CMSS1: variants seen among roughly 807,000 people sequenced by gnomAD.
CMSS1 encodes cms1 ribosomal small subunit homolog, also known as protein CMSS1.
CMSS1 carries 33 observed loss-of-function variants against 43.5 expected under a neutral mutation model. The ratio of observed to expected loss-of-function variants is 0.76; its 90% CI spans 0.57 to 1.01. The LOEUF is 1.01. Among genes scored for constraint, CMSS1 ranks in the 50% least tolerant of loss-of-function variants. The probability of loss-of-function intolerance (pLI) is 0.00; values close to 1 mark genes in which losing one functional copy is unlikely to be tolerated. For missense variants in CMSS1, 313 were observed against 326.4 expected, an observed-to-expected ratio of 0.96 and a Z score of 0.32; for synonymous variants, 115 against 117.2, an observed-to-expected ratio of 0.98 and a Z score of 0.12.
intron 1 of CMSS1, among the ~76,000 whole-genome samples, chr3:100,014,768 G>T (rs1379420271): frequency 4.5e-4 from 59 of 130,846 alleles, no homozygotes; most frequent in Non-Finnish European, 8.7e-4. Context: ...GTTCACAAAT[G>T]TTTTCTCTCA....
At chr3:99,873,533 T>C (rs914931249) in intron 1 of CMSS1, among the ~76,000 whole-genome samples, 4 of 152,196 alleles carry the variant, frequency 2.6e-5, no homozygotes, top group African/African-American at 9.7e-5. Context: ...CCTTGTAAAA[T>C]GTTCACTTTG....
rs2066433779 is a variant in CMSS1 at position 100,108,643 on chromosome 3, G to C, written c.65-38330G>C. On this transcript the variant is annotated intron_variant, in intron 1 of 9. Coordinates refer to ENST00000421999, the MANE Select transcript of CMSS1 (RefSeq NM_032359.4). Reference sequence around the variant, plus strand: ...GTGGTTGGGCATTGCCCTGTATCTAGATGCTACTGTGTTACAATTCCGAGA... The same window carrying C: ...GTGGTTGGGCATTGCCCTGTATCTACATGCTACTGTGTTACAATTCCGAGA... 2.6e-5 allele frequency among the ~76,000 whole-genome samples: 4 copies of C among 151,834 alleles called. No homozygotes were observed. The South Asian group carries it at 8.3e-4, about 32-fold the overall frequency.
intron 1 of CMSS1, among the ~76,000 whole-genome samples, chr3:99,981,905 C>T (rs542157996): frequency 3.2e-4 from 48 of 152,232 alleles, no homozygotes; most frequent in African/African-American, 1.1e-3. Context: ...GCGGGAGGAT[C>T]GCTTGAGGCC....
At chr3:99,867,279 T>C (rs984386447) in intron 1 of CMSS1, among the ~76,000 whole-genome samples, 2 of 152,172 alleles carry the variant, frequency 1.3e-5, no homozygotes, top group African/African-American at 2.4e-5. Context: ...AATGTTCTGT[T>C]TGTGGCAGTT....
At chr3:99,934,145 C>T (rs1336876999) in intron 1 of CMSS1, among the ~76,000 whole-genome samples, 2 of 152,292 alleles carry the variant, frequency 1.3e-5, no homozygotes, top group East Asian at 3.9e-4. Flanking sequence ...ATTCCAAGAA[C>T]GTGAGAGTTG....
intron 1 of CMSS1, among the ~76,000 whole-genome samples, chr3:99,825,775 CTTTTTTTTTTTTT>C (rs897686337): frequency 8.2e-6 from 1 of 121,612 alleles, no homozygotes. Flanking sequence ...TTTTCTTTTT[CTTTTTTTTTTTTT>C]TTTTTTGAGA....
chr3:99,921,834 C>G (rs1221350163), intron 1 of CMSS1, among the ~76,000 whole-genome samples: 1 of 152,136 alleles, frequency 6.6e-6, no homozygotes, highest in African/African-American at 2.4e-5. Context: ...ATTTTTCCCA[C>G]AATTTTTCTT....
chr3:99,876,309 C>G (rs554567208), intron 1 of CMSS1: 4 of 587,484 alleles, frequency 6.8e-6, no homozygotes, highest in Non-Finnish European at 8.6e-6. Flanking sequence ...GGCGCAGCCA[C>G]ACACCCCAGC....
intron 1 of CMSS1, among the ~76,000 whole-genome samples, chr3:99,956,567 G>A (rs958184921): frequency 4.6e-5 from 7 of 152,124 alleles, no homozygotes; most frequent in Non-Finnish European, 7.4e-5. Flanking sequence ...GGCTAGTCTC[G>A]AATTCCTGAC....
intron 1 of CMSS1, chr3:100,114,153 T>G (rs1381053113): frequency 6.6e-6 from 1 of 152,106 alleles, no homozygotes; most frequent in African/African-American, 2.4e-5. Flanking sequence ...CAACGTTTTC[T>G]TCTTCTCTTT....
intron 1 of CMSS1, among the ~76,000 whole-genome samples, chr3:99,938,074 T>TGTGTGC (rs1431638787): frequency 1.5e-4 from 13 of 85,210 alleles, no homozygotes; most frequent in Non-Finnish European, 2.3e-4. Flanking sequence ...TGTGTGTGTG[T>TGTGTGC]GCGCGCGCGC....
At chr3:99,830,358 T>A (rs1220560710) in intron 1 of CMSS1, 6 of 364,994 alleles carry the variant, frequency 1.6e-5, no homozygotes, top group Non-Finnish European at 3.3e-5. Context: ...AGTGGTAATT[T>A]TAGCTTTCCA....
At chr3:99,904,115 G>A (rs1461141807) in intron 1 of CMSS1, among the ~76,000 whole-genome samples, 1 of 152,134 alleles carries the variant, frequency 6.6e-6, no homozygotes, top group South Asian at 2.1e-4. Context: ...TTTCAGACAA[G>A]CACTTTACAT....
chr3:99,830,612 T>A, intron 1 of CMSS1: 1 of 456,494 alleles, frequency 2.2e-6, no homozygotes. Context: ...TGATCTTGAA[T>A]TAAACAAGAG....
chr3:100,135,485 T>TGTGC (rs1553717026), intron 1 of CMSS1, among the ~76,000 whole-genome samples: 12 of 143,780 alleles, frequency 8.3e-5, no homozygotes, highest in African/African-American at 2.9e-4. Context: ...TGTGTGTGTG[T>TGTGC]GTGTGTTTAA....
chr3:99,962,284 G>A (rs1344854108), intron 1 of CMSS1, among the ~76,000 whole-genome samples: 1 of 152,118 alleles, frequency 6.6e-6, no homozygotes, highest in Non-Finnish European at 1.5e-5. Context: ...GGCTAACAGT[G>A]GGAAGATGAG....
chr3:99,903,034 G>A (rs573011741), intron 1 of CMSS1, among the ~76,000 whole-genome samples: 1 of 152,240 alleles, frequency 6.6e-6, no homozygotes, highest in African/African-American at 2.4e-5. Flanking sequence ...AAACTTCTGG[G>A]TTTAATTCCT....
At chr3:100,071,451 G>GAT in intron 1 of CMSS1, among the ~76,000 whole-genome samples, 1 of 152,254 alleles carries the variant, frequency 6.6e-6, no homozygotes, top group East Asian at 1.9e-4. Flanking sequence ...AGTCAAAGTA[G>GAT]ATACTGTTTC....
chr3:100,001,695 A>G lies in CMSS1; in HGVS notation c.65-145278A>G, dbSNP rs532729894. On this transcript the variant is annotated intron_variant, in intron 1 of 9. Coordinates refer to ENST00000421999, the MANE Select transcript of CMSS1 (RefSeq NM_032359.4). ...TCTCTTCTTTCCTCTCCCAAAAGAA[A>G]CAGTACACATTGCAGATGTGGCCAA... Among the ~76,000 whole-genome samples the G allele has an allele frequency of 5.9e-5, 9 of 152,178 alleles. 1 individual carries two copies. Among genetic ancestry groups the G allele is most frequent in the Admixed American group, 2.0e-4 (3 of 15,272 alleles).
Sources: gnomAD v4.1 joint callset for allele counts (sites outside exome capture counted in the v4.1 genomes callset) on GRCh38, gnomAD v4.1.1 for gene constraint, MANE v1.5 for transcripts, NCBI Gene and HGNC (gene_info 2026-07-23, HGNC 2026-07-21) for gene names.